The following PPP2R2B variants were observed in gnomAD, a reference collection of about 807,000 sequenced individuals.
PPP2R2B encodes protein phosphatase 2 regulatory subunit Bbeta.
In PPP2R2B, 5 loss-of-function variants were observed where a neutral mutation model predicts 46.0. That is an observed-to-expected ratio of 0.11 (90% CI 0.06 to 0.23). PPP2R2B has a LOEUF of 0.23. PPP2R2B is among the 10% of genes least tolerant of loss of function. The pLI, the probability that PPP2R2B is intolerant of heterozygous loss-of-function variation, is 1.00. For synonymous variants in PPP2R2B, 215 were observed against 206.7 expected (o/e 1.04, Z -0.34); for missense variants, 367 against 575.0 (o/e 0.64, Z 3.70).
chr5:146,788,277 A>T (rs1755971570), intron 2 of PPP2R2B, among the ~76,000 whole-genome samples: 1 of 151,922 alleles, frequency 6.6e-6, no homozygotes, highest in Admixed American at 6.6e-5. Flanking sequence ...AATTTTGGGG[A>T]TAATGGTAAA....
intron 2 of PPP2R2B, among the ~76,000 whole-genome samples, chr5:147,064,478 G>A (rs1388380863): frequency 6.6e-6 from 1 of 152,182 alleles, no homozygotes; most frequent in Admixed American, 6.5e-5. Flanking sequence ...ACCCTATATT[G>A]AGAATCACTG....
In PPP2R2B at chr5:146,583,450, CAG is replaced by C. The variant is rs2042335573; in HGVS notation, c.*6495_*6496del. The C allele has an allele frequency of 6.6e-6, 1 of 152,126 alleles. No homozygotes were observed. Among genetic ancestry groups the C allele is most frequent in the African/African-American group, 2.4e-5 (1 of 41,406 alleles). The allele number at this position is 152,126 out of a possible 1,614,324, so 9.4% of individuals were successfully genotyped here. A position where few individuals can be genotyped will look rare whatever the true frequency, so the allele number is the denominator to read the frequency against. ...ATCTCATAATGAGAAAATCGAGGCACAGAGAGGTTGTCATTTTTCTAGGTTGC... is the reference window on the plus strand; with the variant it reads ...ATCTCATAATGAGAAAATCGAGGCACAGAGGTTGTCATTTTTCTAGGTTGC... On this transcript the variant is annotated 3_prime_UTR_variant, in exon 10 of 10. Transcript: ENST00000394411.
At chr5:146,872,251 T>A (rs142947746) in intron 2 of PPP2R2B, among the ~76,000 whole-genome samples, 13 of 152,312 alleles carry the variant, frequency 8.5e-5, no homozygotes, top group African/African-American at 3.1e-4. Context: ...TGCATTCTGG[T>A]TATTATGTTT....
chr5:146,719,592 G>A (rs751368384), intron 2 of PPP2R2B, among the ~76,000 whole-genome samples: 1 of 152,128 alleles, frequency 6.6e-6, no homozygotes, highest in African/African-American at 2.4e-5. Context: ...TATATAATTT[G>A]TTGTTGTTGT....
chr5:146,783,036 A>C (rs1305521395), intron 2 of PPP2R2B, among the ~76,000 whole-genome samples: 1 of 152,018 alleles, frequency 6.6e-6, no homozygotes, highest in Non-Finnish European at 1.5e-5. Context: ...AATATGAAAA[A>C]GTAAGTAGGT....
intron 5 of PPP2R2B, among the ~76,000 whole-genome samples, chr5:146,683,046 G>A (rs1036352129): frequency 1.3e-5 from 2 of 152,156 alleles, no homozygotes; most frequent in Non-Finnish European, 1.5e-5. Flanking sequence ...GAATATGGCC[G>A]AGAAATACGG....
intron 1 of PPP2R2B, among the ~76,000 whole-genome samples, chr5:146,926,786 G>C (rs940109665): frequency 1.3e-5 from 2 of 152,034 alleles, no homozygotes; most frequent in African/African-American, 4.8e-5. Flanking sequence ...TGAGACTTTG[G>C]GTAAACCAGA....
intron 1 of PPP2R2B, among the ~76,000 whole-genome samples, chr5:147,042,104 A>T (rs572660082): frequency 6.6e-6 from 1 of 152,098 alleles, no homozygotes; most frequent in African/African-American, 2.4e-5. Context: ...CCAAATCCCC[A>T]CGTCTATCAC....
At chr5:146,967,496 A>G (rs777866757) in intron 1 of PPP2R2B, among the ~76,000 whole-genome samples, 1 of 152,160 alleles carries the variant, frequency 6.6e-6, no homozygotes, top group Non-Finnish European at 1.5e-5. Context: ...TAATTTCCCC[A>G]TGGTTACCTG....
intron 6 of PPP2R2B, among the ~76,000 whole-genome samples, chr5:146,645,574 C>T (rs1344508058): frequency 6.6e-6 from 1 of 152,176 alleles, no homozygotes; most frequent in African/African-American, 2.4e-5. Flanking sequence ...TAAAAGGAAG[C>T]TGCTGTCCAT....
At chr5:146,856,939 G>A (rs1760708562) in intron 2 of PPP2R2B, among the ~76,000 whole-genome samples, 1 of 152,148 alleles carries the variant, frequency 6.6e-6, no homozygotes, top group South Asian at 2.1e-4. Context: ...TGAGGGGGTG[G>A]AGCCTGGAAC....
chr5:146,907,245 C>G (rs951290066), intron 1 of PPP2R2B, among the ~76,000 whole-genome samples: 1 of 151,842 alleles, frequency 6.6e-6, no homozygotes, highest in African/African-American at 2.4e-5. Context: ...AAGTTAAAAT[C>G]TAGAAATAAA....
intron 2 of PPP2R2B, among the ~76,000 whole-genome samples, chr5:146,757,130 A>G (rs577710259): frequency 1.3e-5 from 2 of 152,176 alleles, no homozygotes; most frequent in African/African-American, 2.4e-5. Context: ...AGGAGAGAGC[A>G]TGGCAAGTGT....
chr5:146,714,047 T>C (rs533440154), intron 2 of PPP2R2B, among the ~76,000 whole-genome samples: 1 of 151,604 alleles, frequency 6.6e-6, no homozygotes, highest in East Asian at 1.9e-4. Context: ...GACCAAGAGC[T>C]GAACAGTAGG....
intron 2 of PPP2R2B, chr5:146,706,786 C>A: frequency 1.2e-6 from 1 of 831,176 alleles, no homozygotes. Flanking sequence ...TGCTCTCGGC[C>A]TCAGCCCGAC....
At chr5:147,066,157 A>T (rs1757409609) in intron 2 of PPP2R2B, among the ~76,000 whole-genome samples, 1 of 152,124 alleles carries the variant, frequency 6.6e-6, no homozygotes, top group South Asian at 2.1e-4. Flanking sequence ...GTGACTAATG[A>T]TAGTTTTGGA....
intron 2 of PPP2R2B, among the ~76,000 whole-genome samples, chr5:146,830,785 T>C (rs1483316362): frequency 6.6e-6 from 1 of 152,186 alleles, no homozygotes; most frequent in African/African-American, 2.4e-5. Flanking sequence ...ATATCAGCTT[T>C]AATATTTACC....
intron 3 of PPP2R2B, among the ~76,000 whole-genome samples, 174 bp from the exon 4 acceptor site, chr5:146,698,318 ATAT>A (rs1473828465): frequency 0.032 from 1,769 of 55,536 alleles, 95 homozygotes; most frequent in East Asian, 0.073. Flanking sequence ...AAAAAAAAAA[ATAT>A]ATATATATAT....
chr5:146,880,140 T>G (rs541575468), upstream of PPP2R2B, among the ~76,000 whole-genome samples: 4 of 151,956 alleles, frequency 2.6e-5, no homozygotes, highest in African/African-American at 9.7e-5. Context: ...TGCATATCCC[T>G]GGGAGAAAAG....
Sources: gnomAD v4.1 joint callset for allele counts (sites outside exome capture counted in the v4.1 genomes callset) on GRCh38, gnomAD v4.1.1 for gene constraint, MANE v1.5 for transcripts, NCBI Gene and HGNC (gene_info 2026-07-23, HGNC 2026-07-21) for gene names.